DCHS2: variants seen among roughly 807,000 people sequenced by gnomAD.
The protein encoded by DCHS2 is dachsous cadherin-related 2.
In DCHS2, 142 loss-of-function variants were observed where a neutral mutation model predicts 182.4. That is an observed-to-expected ratio of 0.78 (90% CI 0.68 to 0.89). The LOEUF is 0.89. Ranked by LOEUF, DCHS2 falls within the 40% of genes least tolerant of loss-of-function variation. The pLI is 0.00. For synonymous variants in DCHS2, 1,740 were observed against 1,663.3 expected (o/e 1.05, Z -1.12); for missense variants, 4,319 against 4,198.6 (o/e 1.03, Z -0.79).
chr4:154,311,614 C>T (rs1371032262), intron 10 of DCHS2, among the ~76,000 whole-genome samples: 1 of 152,064 alleles, frequency 6.6e-6, no homozygotes, highest in Non-Finnish European at 1.5e-5. Flanking sequence ...AGAATTATGC[C>T]TGGTTGATTG....
intron 1 of DCHS2, among the ~76,000 whole-genome samples, chr4:154,434,235 T>C (rs1240803159): frequency 2.0e-5 from 3 of 152,074 alleles, no homozygotes; most frequent in East Asian, 3.9e-4. Context: ...ACCTGGACAA[T>C]AGAGTAAGAC....
chr4:154,461,075 C>G (rs1270689079), intron 1 of DCHS2, among the ~76,000 whole-genome samples: 3 of 152,106 alleles, frequency 2.0e-5, no homozygotes, highest in Non-Finnish European at 4.4e-5. Flanking sequence ...AACATCAGGT[C>G]CTCAGAAAAC....
chr4:154,489,805 C>A lies in DCHS2; in HGVS notation c.1551G>T (p.Pro517=). ...LLLVATDAGS[P]PLSTEETLLL... is the part of the protein sequence containing the mutation. ...GCAGCGTCTCCTCCGTGCTCAGCGGCGGGGACCCCGCGTCCGTGGCCACCA... is the reference window on the plus strand; with the variant it reads ...GCAGCGTCTCCTCCGTGCTCAGCGGAGGGGACCCCGCGTCCGTGGCCACCA... Residue 517 remains proline (P), a synonymous_variant, in exon 1 of 20, where the codon CCG becomes CCT. Transcript: ENST00000357232. 1 of 1,551,558 alleles carries A rather than the reference C, an allele frequency of 6.4e-7. No homozygotes were observed. Among genetic ancestry groups the A allele is most frequent in the South Asian group, 1.2e-5 (1 of 84,056 alleles).
intron 7 of DCHS2, chr4:154,323,440 A>G: frequency 6.9e-7 from 1 of 1,439,410 alleles, no homozygotes; most frequent in Non-Finnish European, 9.2e-7. Flanking sequence ...AGCTATCCTC[A>G]CACCTTGGCC....
At position 154,234,413 on chromosome 4, in the gene DCHS2, C is replaced by G; in HGVS notation, c.*123G>C. The G allele has an allele frequency of 7.5e-7, 1 of 1,341,862 alleles. No homozygotes were observed. Among genetic ancestry groups the G allele is most frequent in the Non-Finnish European group, 9.8e-7 (1 of 1,017,342 alleles). 83.1% of individuals were successfully genotyped at this position (1,341,862 alleles called of 1,614,324 possible). A position where few individuals can be genotyped will look rare whatever the true frequency, so the allele number is the denominator to read the frequency against. ...CTTTAATGGGGAAGTTTTAAAAACT[C>G]TAACTAAATTACATCACTTGCTTTT... On this transcript the variant is annotated 3_prime_UTR_variant, in exon 20 of 20. Coordinates refer to ENST00000357232, the MANE Select transcript of DCHS2 (RefSeq NM_001358235.2).
intron 7 of DCHS2, among the ~76,000 whole-genome samples, chr4:154,325,557 C>T (rs550603686): frequency 3.3e-5 from 5 of 151,910 alleles, no homozygotes; most frequent in Admixed American, 1.3e-4. Flanking sequence ...GCTAAGACAA[C>T]AAAAAGAGAA....
chr4:154,372,927 T>C (rs1184274909), intron 2 of DCHS2, among the ~76,000 whole-genome samples: 1 of 152,212 alleles, frequency 6.6e-6, no homozygotes, highest in Non-Finnish European at 1.5e-5. Context: ...GAAAAATTCT[T>C]CTACTGGCAG....
At position 154,298,191 on chromosome 4, in the gene DCHS2, G is replaced by T; in HGVS notation, c.6123C>A (p.Asn2041Lys). Residue 2041 changes from asparagine (N) to lysine (K), a missense_variant, in exon 13 of 20, where the codon AAC becomes AAA. Transcript: ENST00000357232. ...VNDNDPVLEQ[N>K]PFDVFLSPES... ...CGGGGGAAAGAAACACATCAAAAGG[G>T]TTCTGTTCCAAAACTGGATCATTGT... 1.9e-6 allele frequency: 3 copies of T among 1,614,076 alleles called. No individual in the cohort carries two copies. Among genetic ancestry groups the T allele is most frequent in the Non-Finnish European group, 2.5e-6 (3 of 1,179,998 alleles).
chr4:154,413,957 AT>A (rs1175611696), intron 1 of DCHS2, among the ~76,000 whole-genome samples: 1 of 152,034 alleles, frequency 6.6e-6, no homozygotes, highest in East Asian at 1.9e-4. Flanking sequence ...TATCTGCTTT[AT>A]TTTCCTTCTT....
At chr4:154,373,433 A>G (rs931467739) in intron 2 of DCHS2, among the ~76,000 whole-genome samples, 9 of 152,332 alleles carry the variant, frequency 5.9e-5, no homozygotes, top group Admixed American at 1.3e-4. Context: ...ATATGTTTAC[A>G]TACATATATA....
intron 1 of DCHS2, among the ~76,000 whole-genome samples, chr4:154,443,252 A>G (rs561170860): frequency 2.0e-5 from 3 of 152,320 alleles, no homozygotes; most frequent in African/African-American, 7.2e-5. Flanking sequence ...AAACAAAAAA[A>G]CAGTTACACT....
chr4:154,324,090 G>T (rs1197547038), intron 7 of DCHS2, among the ~76,000 whole-genome samples: 1 of 152,124 alleles, frequency 6.6e-6, no homozygotes, highest in Non-Finnish European at 1.5e-5. Context: ...ATAATGGGTT[G>T]GTTCACTAAC....
At chr4:154,479,775 C>T (rs148962088) in intron 1 of DCHS2, among the ~76,000 whole-genome samples, 2 of 152,244 alleles carry the variant, frequency 1.3e-5, no homozygotes, top group African/African-American at 4.8e-5. Context: ...ACCTCTAATA[C>T]CGTCAAACAT....
chr4:154,322,349 C>T lies in DCHS2; in HGVS notation c.4158G>A (p.Gln1386=). 6.2e-7 allele frequency: 1 copy of T among 1,613,600 alleles called. No homozygotes were observed. Among genetic ancestry groups the T allele is most frequent in the Non-Finnish European group, 8.5e-7 (1 of 1,179,722 alleles). ...ACATTACCTGAATATTAACAACTGC[C>T]TGTCCTTGAAGAGGAGGCACTCCCT... ...TDQGVPPLQG[Q]AVVNIQVIPL... The change falls in exon 8 of 20, where the codon CAG becomes CAA. Residue 1386 remains glutamine, a synonymous_variant. Transcript: ENST00000357232.
intron 1 of DCHS2, among the ~76,000 whole-genome samples, chr4:154,413,940 G>C (rs1034718201): frequency 6.6e-6 from 1 of 151,928 alleles, no homozygotes; most frequent in Non-Finnish European, 1.5e-5. Flanking sequence ...TGAGACCCTG[G>C]TTAATATATC....
rs75637850 is a variant in DCHS2 at position 154,454,265 on chromosome 4, A to T, written c.2052+35039T>A. Among the ~76,000 whole-genome samples, 598 of 152,252 alleles carry T rather than the reference A, an allele frequency of 3.9e-3. 4 individuals carry two copies. The highest frequency in any genetic ancestry group is 6.6e-3 in the Non-Finnish European group (450 of 68,010). On this transcript the variant is annotated intron_variant, in intron 1 of 19. Coordinates refer to ENST00000357232, the MANE Select transcript of DCHS2 (RefSeq NM_001358235.2). Reference sequence around the variant, plus strand: ...AATCTGCCTATTCTTTTGTTTTGAGATGGTGTATCTCTCTATCACCCAGGC... The same window carrying T: ...AATCTGCCTATTCTTTTGTTTTGAGTTGGTGTATCTCTCTATCACCCAGGC...
chr4:154,392,440 T>C (rs1366330436), intron 1 of DCHS2, among the ~76,000 whole-genome samples: 1 of 152,072 alleles, frequency 6.6e-6, no homozygotes, highest in South Asian at 2.1e-4. Flanking sequence ...AAATATATAA[T>C]GAAAAAGACA....
rs544025829 is a variant in DCHS2, at chr4:154,242,563, T to C, written c.7072+79A>G. 3.3e-5 allele frequency: 51 copies of C among 1,531,008 alleles called. No individual in the cohort carries two copies. The African/African-American group carries it at 5.9e-4, about 18-fold the overall frequency. The allele number at this position is 1,531,008 out of a possible 1,614,324, so 94.8% of individuals were successfully genotyped here. On this transcript the variant is annotated intron_variant, in intron 17 of 19. Coordinates refer to ENST00000357232, the MANE Select transcript of DCHS2 (RefSeq NM_001358235.2). Reference sequence around the variant, plus strand: ...TGTTGAGGATTAGCACTCATGTTAATACAGTGTCTGGCTAAAGAAAATGGT... The same window carrying C: ...TGTTGAGGATTAGCACTCATGTTAACACAGTGTCTGGCTAAAGAAAATGGT...
At chr4:154,413,196 C>T (rs541945697) in intron 1 of DCHS2, among the ~76,000 whole-genome samples, 3 of 152,286 alleles carry the variant, frequency 2.0e-5, no homozygotes, top group Admixed American at 6.5e-5. Flanking sequence ...TCCTGGCATG[C>T]TTCCTTCTTC....
Sources: allele counts gnomAD v4.1 joint callset (sites outside exome capture counted in the v4.1 genomes callset), GRCh38; gene constraint gnomAD v4.1.1; transcripts MANE v1.5; gene names NCBI Gene and HGNC (gene_info 2026-07-23, HGNC 2026-07-21).